PAK2: variants seen among roughly 807,000 people sequenced by gnomAD.
The protein encoded by PAK2 is serine/threonine-protein kinase PAK 2.
Under a neutral mutation model 65.9 loss-of-function variants are expected in PAK2, and 21 were observed. The ratio of observed to expected loss-of-function variants is 0.32; its 90% CI spans 0.23 to 0.46. The LOEUF is 0.46. Among genes scored for constraint, PAK2 ranks in the 20% least tolerant of loss-of-function variants. PAK2 has a pLI of 1.00. For synonymous variants in PAK2, 204 were observed against 219.7 expected (o/e 0.93, Z 0.63); for missense variants, 324 against 642.6 (o/e 0.50, Z 5.36).
In PAK2 at chr3:196,830,120, C is replaced by G. The variant is rs1338730434; in HGVS notation, c.*1715C>G. Reference sequence around the variant, plus strand: ...GCTGTTGTAGTATACATTGGAGAAACTGGCAGGTTTTATTTCCATTATTTT... The same window carrying G: ...GCTGTTGTAGTATACATTGGAGAAAGTGGCAGGTTTTATTTCCATTATTTT... On this transcript the variant is annotated 3_prime_UTR_variant, in exon 15 of 15. Transcript: ENST00000327134. 2 of 151,532 alleles carry G rather than the reference C, an allele frequency of 1.3e-5. No individual in the cohort carries two copies. The highest frequency in any genetic ancestry group is 6.6e-5 in the Admixed American group (1 of 15,162). The allele number at this position is 151,532 out of a possible 1,614,324, so 9.4% of individuals were successfully genotyped here.
At chr3:196,804,462 C>T (rs924437222) in intron 4 of PAK2, among the ~76,000 whole-genome samples, 2 of 151,700 alleles carry the variant, frequency 1.3e-5, no homozygotes, top group East Asian at 1.9e-4. Flanking sequence ...CACGCGCGTG[C>T]GTGTGTGTGT....
rs1195627474 is a variant in PAK2, at chr3:196,818,212, T to C, written c.1153+56T>C. ...TTATTATAATTTTCTGCCTTTTGTTTAATTAAAAACTTTTCTTGACCAATG... is the reference window on the plus strand; with the variant it reads ...TTATTATAATTTTCTGCCTTTTGTTCAATTAAAAACTTTTCTTGACCAATG... On this transcript the variant is annotated intron_variant, in intron 12 of 14. Coordinates refer to ENST00000327134, the MANE Select transcript of PAK2 (RefSeq NM_002577.4). The C allele has an allele frequency of 1.1e-5, 8 of 751,836 alleles. No individual in the cohort carries two copies. In the East Asian group the frequency reaches 2.0e-4, roughly 19 times the overall value. The allele number at this position is 751,836 out of a possible 1,614,324, so 46.6% of individuals were successfully genotyped here.
chr3:196,747,325 A>T (rs371019711), intron 1 of PAK2: 347 of 152,266 alleles, frequency 2.3e-3, no homozygotes, highest in African/African-American at 6.6e-3. Flanking sequence ...GTGCAAAGCT[A>T]GTTCATTTTA....
chr3:196,751,107 G>T (rs770126362), intron 1 of PAK2, among the ~76,000 whole-genome samples: 6 of 151,938 alleles, frequency 3.9e-5, no homozygotes, highest in Non-Finnish European at 2.9e-5. Flanking sequence ...GCCTCTTCTG[G>T]ATATTTCTTA....
intron 1 of PAK2, among the ~76,000 whole-genome samples, chr3:196,745,551 C>A (rs570297056): frequency 1.3e-5 from 2 of 152,110 alleles, no homozygotes; most frequent in African/African-American, 4.8e-5. Flanking sequence ...CAGTGGCTTA[C>A]GCCTGTAATC....
At chr3:196,824,664 A>C (rs1362165961) in intron 13 of PAK2, among the ~76,000 whole-genome samples, 1 of 152,114 alleles carries the variant, frequency 6.6e-6, no homozygotes, top group Non-Finnish European at 1.5e-5. Context: ...AATGGCGGAC[A>C]CTGGAGAGCA....
At chr3:196,804,096 G>C (rs1041434621) in intron 4 of PAK2, among the ~76,000 whole-genome samples, 2 of 152,048 alleles carry the variant, frequency 1.3e-5, no homozygotes, top group African/African-American at 4.8e-5. Context: ...TACATCCTCA[G>C]GATGTCATTT....
chr3:196,805,293 T>A (rs1715551094), intron 4 of PAK2, 59 bp from the exon 5 acceptor site: 2 of 858,676 alleles, frequency 2.3e-6, no homozygotes, highest in Non-Finnish European at 3.7e-6. Flanking sequence ...TTTTTTCCTT[T>A]TATCATATAA....
rs1225817192 is a variant in PAK2 at position 196,791,979 on chromosome 3, C to G, written c.187+9146C>G. Among the ~76,000 whole-genome samples, 3 of 151,886 alleles carry G rather than the reference C, an allele frequency of 2.0e-5. No homozygotes were observed. Among genetic ancestry groups the G allele is most frequent in the African/African-American group, 7.3e-5 (3 of 41,354 alleles). On this transcript the variant is annotated intron_variant, in intron 2 of 14. Coordinates refer to ENST00000327134, the MANE Select transcript of PAK2 (RefSeq NM_002577.4). The surrounding 1 kb of genome is among the most constrained non-coding windows in gnomAD (Gnocchi z 4.0). ...GCTCAGTTTCTTACAACTTCAGACA[C>G]TAGTGATAGACTGATTCTCAGGGAG...
intron 1 of PAK2, among the ~76,000 whole-genome samples, chr3:196,774,192 C>T (rs995386163): frequency 2.0e-5 from 3 of 152,066 alleles, no homozygotes; most frequent in South Asian, 2.1e-4. Context: ...AATTCATTGC[C>T]GAAGAATGGC....
rs373508481 is a variant in PAK2, at chr3:196,807,941, G to A, written c.709+27G>A. On this transcript the variant is annotated intron_variant, in intron 7 of 14. Transcript: ENST00000327134. ...TATGTTATCTACATTTTACATCATT[G>A]TTAAATTGTTCACGGCTCTTAAAAC... The A allele has an allele frequency of 3.5e-5, 55 of 1,582,140 alleles. No individual in the cohort carries two copies. In the East Asian group the frequency reaches 1.0e-3, roughly 30 times the overall value.
intron 1 of PAK2, among the ~76,000 whole-genome samples, chr3:196,780,488 G>A (rs534925258): frequency 6.6e-6 from 1 of 152,164 alleles, no homozygotes; most frequent in East Asian, 1.9e-4. Context: ...GATCACGTGA[G>A]ATGTACTCCC....
At chr3:196,806,357 A>G (rs1228645721) in intron 5 of PAK2, among the ~76,000 whole-genome samples, 5 of 152,036 alleles carry the variant, frequency 3.3e-5, no homozygotes, top group Admixed American at 2.6e-4. Flanking sequence ...AATATTTGGT[A>G]CTCACCATAT....
chr3:196,760,012 G>A (rs1366639413), intron 1 of PAK2, among the ~76,000 whole-genome samples: 1 of 152,146 alleles, frequency 6.6e-6, no homozygotes, highest in South Asian at 2.1e-4. Context: ...GATACAATAT[G>A]TGGTCTTTTG....
chr3:196,745,146 C>G (rs1375286900), intron 1 of PAK2, among the ~76,000 whole-genome samples: 23 of 146,886 alleles, frequency 1.6e-4, no homozygotes, highest in African/African-American at 5.8e-4. Context: ...GACAGAGTCT[C>G]ACTCTGTCAC....
Position 196,768,644 on chromosome 3 carries a change from C to T in PAK2, c.-21-13982C>T, listed in dbSNP as rs549083642. On this transcript the variant is annotated intron_variant, in intron 1 of 14. Coordinates refer to ENST00000327134, the MANE Select transcript of PAK2 (RefSeq NM_002577.4). ...AGCTGAGATTACAAGTGCAAGCCAC[C>T]ATGGCCAGCTAATTCTTTATTTTTA... 2.8e-4 allele frequency among the ~76,000 whole-genome samples: 42 copies of T among 151,706 alleles called. 1 individual carries two copies. Among genetic ancestry groups the T allele is most frequent in the African/African-American group, 1.0e-3 (41 of 41,104 alleles).
At chr3:196,826,902 CAG>C (rs1711895351) in intron 13 of PAK2, among the ~76,000 whole-genome samples, 1 of 151,850 alleles carries the variant, frequency 6.6e-6, no homozygotes, top group Admixed American at 6.6e-5. Context: ...GCCTGGGTGA[CAG>C]AGCAAGATTC....
rs114900198 is a variant in PAK2 at position 196,757,086 on chromosome 3, G to A, written c.-22+16929G>A. ...GGACTGCACTGTCTAAGCTAATTCC[G>A]ATTGGCTATTTTAAAGAGACCAGGG... is the stretch of plus-strand genomic sequence containing the variant. On this transcript the variant is annotated intron_variant, in intron 1 of 14. Coordinates refer to ENST00000327134, the MANE Select transcript of PAK2 (RefSeq NM_002577.4). Among the ~76,000 whole-genome samples the A allele has an allele frequency of 4.4e-3, 666 of 152,260 alleles. 3 individuals are homozygous for A. Among genetic ancestry groups the A allele is most frequent in the African/African-American group, 0.015 (627 of 41,530 alleles).
At chr3:196,788,913 A>G (rs1253437523) in intron 2 of PAK2, among the ~76,000 whole-genome samples, 1 of 152,216 alleles carries the variant, frequency 6.6e-6, no homozygotes, top group African/African-American at 2.4e-5. Context: ...TACAGACAGC[A>G]GAAGAGGCTG....
Sources: allele counts gnomAD v4.1 joint callset (sites outside exome capture counted in the v4.1 genomes callset), GRCh38; gene constraint gnomAD v4.1.1; non-coding constraint Gnocchi (gnomAD v3.1); transcripts MANE v1.5; gene names NCBI Gene and HGNC (gene_info 2026-07-23, HGNC 2026-07-21).